The following SLC9A6 variants were observed in gnomAD, a reference collection of about 807,000 sequenced individuals.
The protein encoded by SLC9A6 is solute carrier family 9 member A6, also known as sodium/hydrogen exchanger 6.
In SLC9A6, 6 loss-of-function variants were observed where a neutral mutation model predicts 45.3. The observed-to-expected ratio is 0.13, with a 90% CI of 0.07 to 0.26. The LOEUF (loss-of-function observed/expected upper bound fraction) is 0.26. Among genes scored for constraint, SLC9A6 ranks in the 10% least tolerant of loss-of-function variants. The pLI is 1.00. For synonymous variants in SLC9A6, 191 were observed against 187.7 expected (o/e 1.02, Z -0.14); for missense variants, 278 against 503.7 (o/e 0.55, Z 4.29).
intron 15 of SLC9A6, 70 bp downstream of exon 15, chrX:136,030,232 A>G: frequency 2.0e-6 from 2 of 995,271 alleles, no homozygotes; most frequent in Middle Eastern, 2.6e-4. Context: ...AAAACAATCT[A>G]CTATAAACTT....
In SLC9A6 at chrX:136,045,017, G is replaced by A. The variant is rs782655912; in HGVS notation, c.*293G>A. The A allele has an allele frequency of 2.6e-5, 7 of 264,559 alleles. No individual in the cohort carries two copies. Among genetic ancestry groups the A allele is most frequent in the East Asian group, 6.9e-5 (1 of 14,438 alleles). The allele number at this position is 264,559 out of a possible 1,213,427, so 21.8% of individuals were successfully genotyped here. A position where few individuals can be genotyped will look rare whatever the true frequency, so the allele number is the denominator to read the frequency against. On this transcript the variant is annotated 3_prime_UTR_variant, in exon 18 of 18. Coordinates refer to ENST00000630721, the MANE Select transcript of SLC9A6 (RefSeq NM_001379110.1). ...TCTCAGTTAAAGTGTAAAAAGTGAC[G>A]GATTTTCTCTTTCTTAAACTTACCT...
chrX:136,035,142 G>C (rs1556621680), intron 16 of SLC9A6, among the ~76,000 whole-genome samples: 1 of 111,671 alleles, frequency 9.0e-6, no homozygotes, highest in South Asian at 3.7e-4. Context: ...TTAATACCTA[G>C]TGCCCTGATA....
At position 136,044,631 on chromosome X, in the gene SLC9A6, A is replaced by G; in HGVS notation, c.1947A>G (p.Glu649=). Residue 649 remains glutamate (E), a synonymous_variant, in exon 18 of 18, where the codon GAA becomes GAG. Coordinates refer to ENST00000630721, the MANE Select transcript of SLC9A6 (RefSeq NM_001379110.1). Reference sequence around the variant, plus strand: ...GGGAGCTTGCATTTGGGGACCATGAACTGGTCATTCGAGGAACACGCCTGG... The same window carrying G: ...GGGAGCTTGCATTTGGGGACCATGAGCTGGTCATTCGAGGAACACGCCTGG... The part of the protein sequence containing the change: ...LDRELAFGDH[E]LVIRGTRLVL... 1 of 1,209,786 alleles carries G rather than the reference A, an allele frequency of 8.3e-7. No homozygotes were observed. The highest frequency in any genetic ancestry group is 1.1e-6 in the Non-Finnish European group (1 of 893,965).
intron 11 of SLC9A6, among the ~76,000 whole-genome samples, chrX:136,021,030 GTGT>G (rs1569525190): frequency 9.1e-6 from 1 of 110,323 alleles, no homozygotes; most frequent in Non-Finnish European, 1.9e-5. Flanking sequence ...GGTGTGCTCA[GTGT>G]TACTTGGTGT....
intron 11 of SLC9A6, among the ~76,000 whole-genome samples, chrX:136,021,455 G>A (rs1215927408): frequency 1.8e-5 from 2 of 112,590 alleles, no homozygotes; most frequent in African/African-American, 6.5e-5. Flanking sequence ...GAATGCTTTT[G>A]TGCAGTGTCT....
chrX:136,008,533 G>A (rs781845839), intron 7 of SLC9A6, among the ~76,000 whole-genome samples: 4 of 112,425 alleles, frequency 3.6e-5, no homozygotes, highest in East Asian at 2.8e-4. Flanking sequence ...GAGCCACTGC[G>A]TCCGGCCAAG....
intron 10 of SLC9A6, among the ~76,000 whole-genome samples, chrX:136,016,292 A>T (rs1200602729): frequency 9.0e-6 from 1 of 110,878 alleles, no homozygotes; most frequent in East Asian, 2.8e-4. Flanking sequence ...AGGGATGGTT[A>T]GAGGTCCTTT....
At chrX:135,974,502 G>A (rs1332290970), upstream of SLC9A6, 23 of 245,900 alleles carry the variant, frequency 9.4e-5, no homozygotes, top group Non-Finnish European at 1.6e-4. Flanking sequence ...AGGGGCGGGA[G>A]GAGGTGGGGC....
Position 135,985,471 on chromosome X carries a change from C to T in SLC9A6, c.-63C>T, listed in dbSNP as rs782048197. 2.2e-5 allele frequency: 22 copies of T among 1,020,853 alleles called. No homozygotes were observed. In the East Asian group the frequency reaches 7.7e-4, roughly 36 times the overall value. 84.1% of individuals were successfully genotyped at this position (1,020,853 alleles called of 1,213,427 possible). A position where few individuals can be genotyped will look rare whatever the true frequency, so the allele number is the denominator to read the frequency against. Reference sequence around the variant, plus strand: ...GAGTGGTCCGACCGCGGGCGGCCGCCGGTGAGGTAGGGGCGGGAGGCGGGG... The same window carrying T: ...GAGTGGTCCGACCGCGGGCGGCCGCTGGTGAGGTAGGGGCGGGAGGCGGGG... On this transcript the variant is annotated 5_prime_UTR_variant, in exon 1 of 18. Coordinates refer to ENST00000630721, the MANE Select transcript of SLC9A6 (RefSeq NM_001379110.1).
chrX:136,031,901 C>T (rs1351881634), intron 15 of SLC9A6, among the ~76,000 whole-genome samples: 1 of 111,134 alleles, frequency 9.0e-6, no homozygotes, highest in African/African-American at 3.3e-5. Context: ...CTTCAGCTTT[C>T]GTAAGCCCAT....
In SLC9A6 at chrX:136,020,371, GACA is replaced by G. The variant is rs782149628; in HGVS notation, c.1195-2214_1195-2212del. Among the ~76,000 whole-genome samples, 932 of 109,239 alleles carry G rather than the reference GACA, an allele frequency of 8.5e-3. 9 individuals are homozygous for G. Among genetic ancestry groups the G allele is most frequent in the African/African-American group, 0.03 (898 of 29,985 alleles). The allele number at this position is 109,239 out of a possible 115,157, so 94.9% of individuals were successfully genotyped here. On this transcript the variant is annotated intron_variant, in intron 11 of 17. Transcript: ENST00000630721. Reference sequence around the variant, plus strand: ...TAATTATTATTACTTTTTTTTTTGAGACAGAATTTCACTCTTGTTGCCCAGACT... The same window carrying G: ...TAATTATTATTACTTTTTTTTTTGAGGAATTTCACTCTTGTTGCCCAGACT...
At chrX:136,021,234 A>T (rs1334640247) in intron 11 of SLC9A6, among the ~76,000 whole-genome samples, 1 of 111,860 alleles carries the variant, frequency 8.9e-6, no homozygotes, top group African/African-American at 3.3e-5. Flanking sequence ...ATATGGGTTC[A>T]TACTGATGTC....
intron 6 of SLC9A6, among the ~76,000 whole-genome samples, chrX:135,999,834 T>C: frequency 9.0e-6 from 1 of 111,650 alleles, no homozygotes; most frequent in Non-Finnish European, 1.9e-5. Context: ...AAGTTAATCA[T>C]CTTTAATTGT....
At chrX:136,002,501 G>A (rs2089596870) in intron 7 of SLC9A6, among the ~76,000 whole-genome samples, 1 of 110,740 alleles carries the variant, frequency 9.0e-6, no homozygotes. Flanking sequence ...GTATAATTTT[G>A]TATTCGGTTT....
chrX:136,023,616 C>G (rs906860002), intron 12 of SLC9A6, among the ~76,000 whole-genome samples: 1 of 110,016 alleles, frequency 9.1e-6, no homozygotes, highest in African/African-American at 3.3e-5. Context: ...ATGGGGAATG[C>G]ATCAGTGGTT....
chrX:135,980,898 C>T (rs187489349), upstream of SLC9A6, among the ~76,000 whole-genome samples: 35 of 111,905 alleles, frequency 3.1e-4, no homozygotes, highest in Admixed American at 6.6e-4. Context: ...TTATTAAGTT[C>T]CTGTTTTGGT....
upstream of SLC9A6, chrX:135,974,633 G>A (rs1556613123): frequency 5.9e-6 from 2 of 339,041 alleles, no homozygotes; most frequent in African/African-American, 2.7e-5. Flanking sequence ...TTTGTTTTCT[G>A]TAGGCCTTTC....
chrX:135,975,984 A>C (rs1310367234), intron 1 of SLC9A6, among the ~76,000 whole-genome samples: 1 of 105,330 alleles, frequency 9.5e-6, no homozygotes, highest in Admixed American at 1.0e-4. Flanking sequence ...CTCTAACCAA[A>C]AAAAAAAAAA....
chrX:136,047,119 T>G lies in SLC9A6; in HGVS notation c.*2395T>G, dbSNP rs1417913381. The G allele has an allele frequency of 2.7e-5, 3 of 112,678 alleles. No individual in the cohort carries two copies. Among genetic ancestry groups the G allele is most frequent in the Non-Finnish European group, 5.6e-5 (3 of 53,326 alleles). 9.3% of individuals were successfully genotyped at this position (112,678 alleles called of 1,213,427 possible). A position where few individuals can be genotyped will look rare whatever the true frequency, so the allele number is the denominator to read the frequency against. ...TCTGTCATTAAAAAAGTTATAGCCT[T>G]GCAAATAACCACTCACAGTATTTGA... On this transcript the variant is annotated 3_prime_UTR_variant, in exon 18 of 18. Coordinates refer to ENST00000630721, the MANE Select transcript of SLC9A6 (RefSeq NM_001379110.1).
Sources: allele counts gnomAD v4.1 joint callset (sites outside exome capture counted in the v4.1 genomes callset), GRCh38; gene constraint gnomAD v4.1.1; transcripts MANE v1.5; gene names NCBI Gene and HGNC (gene_info 2026-07-23, HGNC 2026-07-21).